Variants in RELL1 observed in about 807,000 individuals in gnomAD.
RELL1 encodes RELT like 1.
RELL1 carries 10 observed loss-of-function variants against 23.0 expected under a neutral mutation model. That is an observed-to-expected ratio of 0.43 (90% confidence interval 0.27 to 0.74). RELL1 has a LOEUF of 0.74. RELL1 is among the 30% of genes least tolerant of loss of function. RELL1 has a pLI of 0.19. For missense variants in RELL1, 315 were observed against 364.4 expected (o/e 0.86, Z 1.10); for synonymous variants, 146 against 146.8 (o/e 0.99, Z 0.04).
rs141753814 is a variant in RELL1 at position 37,679,893 on chromosome 4, A to T, written c.88+6307T>A. ...CTTGAACCCGGGAGGCGGAGCTTGC[A>T]GTGACCCGAGATCACACCACTGCAC... On this transcript the variant is annotated intron_variant, in intron 1 of 6. Transcript: ENST00000454158. Among the ~76,000 whole-genome samples, 493 of 151,852 alleles carry T rather than the reference A, an allele frequency of 3.2e-3. 2 individuals are homozygous for T. The highest frequency in any genetic ancestry group is 0.011 in the African/African-American group (436 of 41,354).
At chr4:37,628,618 G>A (rs888480285) in intron 6 of RELL1, among the ~76,000 whole-genome samples, 1 of 152,120 alleles carries the variant, frequency 6.6e-6, no homozygotes. Flanking sequence ...AAGGCCACTC[G>A]TGCTCATTGT....
At chr4:37,618,022 C>T (rs1719631416) in intron 6 of RELL1, among the ~76,000 whole-genome samples, 2 of 152,186 alleles carry the variant, frequency 1.3e-5, no homozygotes, top group African/African-American at 4.8e-5. Flanking sequence ...TCCAAAGGCA[C>T]TGCCCAAGTC....
At chr4:37,660,340 C>T (rs185452999) in intron 1 of RELL1, among the ~76,000 whole-genome samples, 3 of 152,188 alleles carry the variant, frequency 2.0e-5, no homozygotes, top group African/African-American at 7.2e-5. Flanking sequence ...CCACTATTCC[C>T]CAACCTTCTG....
chr4:37,652,000 G>A (rs7690781), intron 1 of RELL1, among the ~76,000 whole-genome samples: 20,420 of 152,242 alleles, frequency 0.13, 1,510 homozygotes, highest in Middle Eastern at 0.2. Context: ...CAAGCAGGGC[G>A]TCGAGGCTGG....
chr4:37,663,861 C>T (rs73147256), intron 1 of RELL1, among the ~76,000 whole-genome samples: 1 of 152,034 alleles, frequency 6.6e-6, no homozygotes, highest in Admixed American at 6.5e-5. Flanking sequence ...TACAGGTCAA[C>T]ATTCACCCAC....
chr4:37,619,684 C>T (rs1315277967), intron 6 of RELL1, among the ~76,000 whole-genome samples: 1 of 151,974 alleles, frequency 6.6e-6, no homozygotes, highest in African/African-American at 2.4e-5. Context: ...CCTTCCACCT[C>T]AGCCTCCCAA....
At chr4:37,623,093 G>A (rs572298821) in intron 6 of RELL1, 19 of 321,218 alleles carry the variant, frequency 5.9e-5, no homozygotes, top group Middle Eastern at 1.2e-3. Context: ...GTGAGCCACC[G>A]CACCCGGCCA....
At chr4:37,647,124 G>A (rs938826586) in intron 3 of RELL1, among the ~76,000 whole-genome samples, 1 of 152,200 alleles carries the variant, frequency 6.6e-6, no homozygotes, top group African/African-American at 2.4e-5. Flanking sequence ...TAAGCAGTGA[G>A]GCCAGGATTT....
chr4:37,619,072 T>C (rs1239546492), intron 6 of RELL1, among the ~76,000 whole-genome samples: 1 of 150,670 alleles, frequency 6.6e-6, no homozygotes, highest in East Asian at 2.0e-4. Flanking sequence ...AGAGATGGGG[T>C]TTCTCCATGT....
downstream of RELL1, among the ~76,000 whole-genome samples, chr4:37,609,616 T>C (rs1272011412): frequency 6.6e-6 from 1 of 152,194 alleles, no homozygotes; most frequent in Non-Finnish European, 1.5e-5. Context: ...TAGATGCCAT[T>C]AAGAACATTT....
At chr4:37,587,284 T>C (rs114885505), downstream of RELL1, among the ~76,000 whole-genome samples, 295 of 152,258 alleles carry the variant, frequency 1.9e-3, 2 homozygotes, top group African/African-American at 6.5e-3. Context: ...ATCCTACACT[T>C]AATCACATCT....
At chr4:37,685,381 G>C (rs1024491396) in intron 1 of RELL1, among the ~76,000 whole-genome samples, 3 of 152,108 alleles carry the variant, frequency 2.0e-5, no homozygotes, top group Admixed American at 1.3e-4. Context: ...ATTAAGAGGG[G>C]AAGCGGTGGT....
intron 2 of RELL1, among the ~76,000 whole-genome samples, chr4:37,648,723 A>G (rs1202049160): frequency 6.6e-6 from 1 of 152,242 alleles, no homozygotes; most frequent in Non-Finnish European, 1.5e-5. Flanking sequence ...TTACTTAATA[A>G]ACATAAATTC....
At chr4:37,614,568 T>G (rs1387238392) in intron 6 of RELL1, among the ~76,000 whole-genome samples, 1 of 151,394 alleles carries the variant, frequency 6.6e-6, no homozygotes, top group African/African-American at 2.4e-5. Flanking sequence ...CTGAACAAAG[T>G]CAAGTCTGGA....
chr4:37,664,968 C>T, intron 1 of RELL1, among the ~76,000 whole-genome samples: 1 of 152,160 alleles, frequency 6.6e-6, no homozygotes, highest in Non-Finnish European at 1.5e-5. Context: ...TCAAACACCT[C>T]TTTCCCTAAG....
intron 5 of RELL1, 76 bp downstream of exon 5, chr4:37,634,811 C>G: frequency 8.3e-7 from 1 of 1,207,712 alleles, no homozygotes; most frequent in South Asian, 1.2e-5. Flanking sequence ...TATTCTACAT[C>G]TGACAGGTAA....
intron 6 of RELL1, among the ~76,000 whole-genome samples, chr4:37,599,044 A>G (rs1718951013): frequency 1.3e-5 from 2 of 152,200 alleles, no homozygotes; most frequent in Non-Finnish European, 2.9e-5. Flanking sequence ...CCATGTTGCC[A>G]TTAGACAAAG....
At position 37,611,639 on chromosome 4, in the gene RELL1, TC is replaced by T. The variant is rs998070285; in HGVS notation, c.*1706del. The stretch of plus-strand genomic sequence containing the variant: ...GGTCTTGGAGACCTTGTAACTGGCC[TC>T]CCCCACAGCTCACCCCAGAGCTACC... On this transcript the variant is annotated 3_prime_UTR_variant, in exon 7 of 7. Transcript: ENST00000454158. 6.6e-6 allele frequency among the ~76,000 whole-genome samples: 1 copy of T among 151,372 alleles called. No homozygotes were observed. Among genetic ancestry groups the T allele is most frequent in the Non-Finnish European group, 1.5e-5 (1 of 67,930 alleles).
At position 37,611,578 on chromosome 4, in the gene RELL1, G is replaced by T. The variant is rs542328715; in HGVS notation, c.*1768C>A. 2.2e-4 allele frequency among the ~76,000 whole-genome samples: 33 copies of T among 152,236 alleles called. No individual in the cohort carries two copies. The East Asian group carries it at 6.2e-3, about 28-fold the overall frequency. On this transcript the variant is annotated 3_prime_UTR_variant, in exon 7 of 7. Transcript: ENST00000454158. The stretch of plus-strand genomic sequence containing the variant: ...CATTTTCCTATATGAAATAAAAGAA[G>T]TGCTCAAGGCACCCCCCAACACTGA...
Sources: allele counts gnomAD v4.1 joint callset (sites outside exome capture counted in the v4.1 genomes callset), GRCh38; gene constraint gnomAD v4.1.1; transcripts MANE v1.5; gene names NCBI Gene and HGNC (gene_info 2026-07-23, HGNC 2026-07-21).